VPS13B: variants seen among roughly 807,000 people sequenced by gnomAD.
The protein encoded by VPS13B is vacuolar protein sorting 13 homolog B, also known as intermembrane lipid transfer protein VPS13B.
A neutral mutation model predicts 426.4 loss-of-function variants in VPS13B; 285 were observed. That is an observed-to-expected ratio of 0.67 (90% CI 0.61 to 0.74). The LOEUF (loss-of-function observed/expected upper bound fraction) is 0.74. Ranked by LOEUF, VPS13B falls within the 30% of genes least tolerant of loss-of-function variation. The pLI is 0.00. For synonymous variants in VPS13B, 1,676 were observed against 1,676.4 expected (o/e 1.00, Z 0.01); for missense variants, 4,537 against 4,782.6 (o/e 0.95, Z 1.51).
intron 31 of VPS13B, among the ~76,000 whole-genome samples, chr8:99,557,417 A>G (rs1824646659): frequency 6.6e-6 from 1 of 151,680 alleles, no homozygotes; most frequent in African/African-American, 2.4e-5. Flanking sequence ...TTCCTGAGTT[A>G]CTTCCCTTAG....
At chr8:99,598,648 G>A (rs1463524057) in intron 33 of VPS13B, among the ~76,000 whole-genome samples, 1 of 152,008 alleles carries the variant, frequency 6.6e-6, no homozygotes, top group African/African-American at 2.4e-5. Flanking sequence ...TGATGTGGGA[G>A]TTCTTTGATC....
intron 33 of VPS13B, among the ~76,000 whole-genome samples, chr8:99,579,824 G>C (rs995298229): frequency 3.3e-5 from 5 of 150,742 alleles, no homozygotes; most frequent in Admixed American, 1.3e-4. Context: ...CAGCGTCCCG[G>C]GTTGCTGGGA....
chr8:99,130,388 C>CT (rs539820640), intron 8 of VPS13B, among the ~76,000 whole-genome samples: 10,494 of 135,084 alleles, frequency 0.078, 469 homozygotes, highest in African/African-American at 0.12. Context: ...TGTTCGGGTC[C>CT]TTTTTTTTTT....
intron 17 of VPS13B, among the ~76,000 whole-genome samples, chr8:99,273,326 T>C (rs538614068): frequency 2.6e-5 from 2 of 77,162 alleles, no homozygotes; most frequent in South Asian, 1.0e-3. Flanking sequence ...GCCCAGCTAA[T>C]TTTTGTACTT....
intron 3 of VPS13B, among the ~76,000 whole-genome samples, chr8:99,043,248 G>T (rs1200897927): frequency 2.6e-5 from 4 of 151,996 alleles, no homozygotes; most frequent in Non-Finnish European, 5.9e-5. Flanking sequence ...TACCATCAGG[G>T]ATTTGATGGA....
At chr8:99,615,284 A>C (rs1828038657) in intron 33 of VPS13B, among the ~76,000 whole-genome samples, 2 of 152,164 alleles carry the variant, frequency 1.3e-5, no homozygotes, top group Admixed American at 1.3e-4. Context: ...ATAGTGCAAA[A>C]ACCATAGAAT....
At chr8:99,721,176 T>G in intron 39 of VPS13B, 129 bp downstream of exon 39, 1 of 942,240 alleles carries the variant, frequency 1.1e-6, no homozygotes, top group African/African-American at 1.6e-5. Context: ...CATCTGTGTG[T>G]GTGGTGTGTG....
At chr8:99,696,448 G>T (rs915378117) in intron 35 of VPS13B, 2 of 367,626 alleles carry the variant, frequency 5.4e-6, no homozygotes, top group Non-Finnish European at 1.1e-5. Context: ...CAGGCAAAGC[G>T]CAGGCAGTTT....
chr8:99,568,286 TA>T (rs771242369), intron 31 of VPS13B, among the ~76,000 whole-genome samples: 5,243 of 148,344 alleles, frequency 0.035, 121 homozygotes, highest in Middle Eastern at 0.066. Flanking sequence ...CTATTATTAT[TA>T]TTATTATTAT....
intron 58 of VPS13B, among the ~76,000 whole-genome samples, chr8:99,862,323 C>T (rs898867561): frequency 2.6e-5 from 4 of 152,202 alleles, no homozygotes; most frequent in Non-Finnish European, 5.9e-5. Flanking sequence ...CCCACACATG[C>T]TGAGCCGCTT....
chr8:99,717,900 A>G (rs959652684), intron 37 of VPS13B, among the ~76,000 whole-genome samples: 1 of 152,216 alleles, frequency 6.6e-6, no homozygotes, highest in African/African-American at 2.4e-5. Context: ...ATATGGATAT[A>G]CCACATTTTA....
At chr8:99,163,803 G>A (rs1035398177) in intron 15 of VPS13B, among the ~76,000 whole-genome samples, 6 of 152,324 alleles carry the variant, frequency 3.9e-5, no homozygotes, top group African/African-American at 1.4e-4. Flanking sequence ...CCTGCAAGCT[G>A]AGGGAGTGGG....
At chr8:99,154,909 A>T (rs1196322794) in intron 14 of VPS13B, among the ~76,000 whole-genome samples, 1 of 152,128 alleles carries the variant, frequency 6.6e-6, no homozygotes, top group Non-Finnish European at 1.5e-5. Context: ...ATTATGAGGT[A>T]TACTAAAAAT....
intron 19 of VPS13B, chr8:99,340,400 G>T: frequency 4.3e-6 from 2 of 462,374 alleles, no homozygotes; most frequent in South Asian, 1.7e-5. Flanking sequence ...TATATATTCT[G>T]CTAAAAACTT....
chr8:99,291,481 A>G (rs1403121138), intron 19 of VPS13B, among the ~76,000 whole-genome samples: 2 of 152,134 alleles, frequency 1.3e-5, no homozygotes, highest in African/African-American at 4.8e-5. Context: ...TTATGATTCA[A>G]TTCATTGAAT....
rs558759164 is a variant in VPS13B at position 99,436,567 on chromosome 8, T to C, written c.3210+4903T>C. 4.6e-5 allele frequency among the ~76,000 whole-genome samples: 7 copies of C among 152,306 alleles called. No individual in the cohort carries two copies. In the South Asian group the frequency reaches 1.4e-3, roughly 32 times the overall value. ...ATACATCTTTATATAGGTTATCTTA[T>C]ATATGACCTAGGTACTTGGCTTGCC... is the stretch of plus-strand genomic sequence containing the variant. On this transcript the variant is annotated intron_variant, in intron 22 of 61. Coordinates refer to ENST00000357162, the MANE Select transcript of VPS13B (RefSeq NM_152564.5).
chr8:99,779,116 TCAA>T, intron 42 of VPS13B, 85 bp downstream of exon 42: 1 of 1,271,416 alleles, frequency 7.9e-7, no homozygotes, highest in Non-Finnish European at 1.1e-6. Context: ...GATAATAAGT[TCAA>T]CACAAACAAA....
intron 35 of VPS13B, among the ~76,000 whole-genome samples, chr8:99,662,505 C>T (rs928772561): frequency 1.3e-5 from 2 of 152,020 alleles, no homozygotes; most frequent in Admixed American, 6.6e-5. Flanking sequence ...AAAGTACAGT[C>T]GTGCAATCAT....
intron 17 of VPS13B, among the ~76,000 whole-genome samples, chr8:99,214,530 T>C (rs568502261): frequency 2.4e-4 from 36 of 152,166 alleles, no homozygotes; most frequent in Non-Finnish European, 4.6e-4. Flanking sequence ...TGCTAATTTT[T>C]CTTCATTTTT....
Sources: gnomAD v4.1 joint callset for allele counts (sites outside exome capture counted in the v4.1 genomes callset) on GRCh38, gnomAD v4.1.1 for gene constraint, MANE v1.5 for transcripts, NCBI Gene and HGNC (gene_info 2026-07-23, HGNC 2026-07-21) for gene names.